The following CDK16 variants were observed in gnomAD, a reference collection of about 807,000 sequenced individuals.
CDK16 encodes cyclin dependent kinase 16, also known as cyclin-dependent kinase 16.
Under a neutral mutation model 41.6 loss-of-function variants are expected in CDK16, and 2 were observed. The observed-to-expected ratio is 0.05, with a 90% CI of 0.02 to 0.15. The LOEUF (loss-of-function observed/expected upper bound fraction) is 0.15. Among genes scored for constraint, CDK16 ranks in the 10% least tolerant of loss-of-function variants. The pLI is 1.00. For synonymous variants in CDK16, 169 were observed against 169.7 expected, an observed-to-expected ratio of 1.00 and a Z score of 0.03; for missense variants, 228 against 428.9, an observed-to-expected ratio of 0.53 and a Z score of 4.14.
In CDK16 at chrX:47,226,996, A is replaced by G; in HGVS notation, c.1138A>G (p.Thr380Ala). ...GGATAACTCCTCTTCCCTACTAGGA[A>G]CCCCAACTGAGGAGACGTGGCCAGG... ...QLHFIFRILG[T>A]PTEETWPGIL... The change falls in exon 12 of 16, where the codon ACC becomes GCC. Residue 380 changes from threonine to alanine, a missense_variant and splice_region_variant. Around this residue, in one of 3 missense-constraint regions of CDK16, gnomAD observed 91 missense variants for 129.5 expected, o/e 0.70. Coordinates refer to ENST00000357227, the MANE Select transcript of CDK16 (RefSeq NM_006201.5). The G allele has an allele frequency of 8.3e-7, 1 of 1,210,439 alleles. No homozygotes were observed. The highest frequency in any genetic ancestry group is 1.1e-6 in the Non-Finnish European group (1 of 894,520).
Position 47,226,925 on chromosome X carries a change from C to G in CDK16, c.1135+16C>G, listed in dbSNP as rs917871878. 1 of 1,201,782 alleles carries G rather than the reference C, an allele frequency of 8.3e-7. No homozygotes were observed. The highest frequency in any genetic ancestry group is 1.7e-5 in the African/African-American group (1 of 57,712). ...CGTATCTTAGGTGAGGAGGCATGGG[C>G]CCTAGGCGCTGTGGAGACACACGGG... On this transcript the variant is annotated intron_variant, in intron 11 of 15. Transcript: ENST00000357227.
At chrX:47,224,293 ATG>A in intron 2 of CDK16, 90 bp from the exon 3 acceptor site, 1 of 991,282 alleles carries the variant, frequency 1.0e-6, no homozygotes, top group East Asian at 3.1e-5. Flanking sequence ...ACGTGCACAC[ATG>A]TGTGATGATG....
At chrX:47,221,005 A>T (rs1937316180) in intron 1 of CDK16, among the ~76,000 whole-genome samples, 1 of 111,410 alleles carries the variant, frequency 9.0e-6, no homozygotes, top group South Asian at 3.8e-4. Flanking sequence ...GAGGAGGCTA[A>T]GTGTGTGCTG....
At position 47,223,730 on chromosome X, in the gene CDK16, C is replaced by G; in HGVS notation, c.173C>G (p.Ser58Cys). 8.3e-7 allele frequency: 1 copy of G among 1,208,467 alleles called. No individual in the cohort carries two copies. Among genetic ancestry groups the G allele is most frequent in the Non-Finnish European group, 1.1e-6 (1 of 893,885 alleles). The change falls in exon 2 of 16, where the codon TCT becomes TGT. Residue 58 changes from serine to cysteine, a missense_variant. Ser to Cys is a moderately radical substitution (Grantham distance 112, BLOSUM62 -1). Around this residue, in one of 3 missense-constraint regions of CDK16, gnomAD observed 71 missense variants for 102.2 expected, o/e 0.69. Coordinates refer to ENST00000357227, the MANE Select transcript of CDK16 (RefSeq NM_006201.5). ...PTRAAPGELR[S>C]ARGPLSSAPE... ...CGTGCTGCTCCTGGGGAACTTCGTT[C>G]TGCACGGGGCCCACTCAGCTCTGCA... is the stretch of plus-strand genomic sequence containing the variant.
rs1329975919 is a variant in CDK16, at chrX:47,227,092, G to A, written c.1234G>A (p.Ala412Thr). 1.7e-6 allele frequency: 2 copies of A among 1,209,747 alleles called. No individual in the cohort carries two copies. Among genetic ancestry groups the A allele is most frequent in the Non-Finnish European group, 1.1e-6 (1 of 893,554 alleles). Reference sequence around the variant, plus strand: ...CCGAGCCGAGGCCCTTTTGAGCCACGCACCCCGGTGAGGCTGGTGGGTGGG... The same window carrying A: ...CCGAGCCGAGGCCCTTTTGAGCCACACACCCCGGTGAGGCTGGTGGGTGGG... Reference protein sequence around the residue: ...KYRAEALLSHAPRLDSDGADL... With the variant: ...KYRAEALLSHTPRLDSDGADL... The change falls in exon 12 of 16, where the codon GCA becomes ACA. Residue 412 changes from alanine (A) to threonine (T), a missense_variant. Physicochemically the swap from Ala to Thr is moderately conservative, Grantham distance 58 (BLOSUM62 0). This residue lies in a region of CDK16 where 91 missense variants were observed against 129.5 expected (regional missense o/e 0.70). Transcript: ENST00000357227.
chrX:47,224,378 C>A lies in CDK16; in HGVS notation c.203-7C>A. ...CTGGCCTGCCCTACCCCTCTCCCTGCCACCAGAGATTGTGCACGAGGACTT... is the reference window on the plus strand; with the variant it reads ...CTGGCCTGCCCTACCCCTCTCCCTGACACCAGAGATTGTGCACGAGGACTT... On this transcript the variant is annotated splice_region_variant and splice_polypyrimidine_tract_variant and intron_variant, in intron 2 of 15. Coordinates refer to ENST00000357227, the MANE Select transcript of CDK16 (RefSeq NM_006201.5). 8.5e-7 allele frequency: 1 copy of A among 1,179,614 alleles called. No individual in the cohort carries two copies. Among genetic ancestry groups the A allele is most frequent in the South Asian group, 2.0e-5 (1 of 51,134 alleles).
Position 47,224,478 on chromosome X carries a change from T to C in CDK16, c.296T>C (p.Val99Ala). The C allele has an allele frequency of 1.7e-6, 2 of 1,204,939 alleles. No homozygotes were observed. The highest frequency in any genetic ancestry group is 2.2e-5 in the Admixed American group (1 of 45,642). Residue 99 changes from valine (V) to alanine (A), a missense_variant, in exon 3 of 16, where the codon GTG (valine) becomes GCG (alanine). Transcript: ENST00000357227. Reference protein sequence around the residue: ...SSDEVQSPVRVRMRNHPPRKI... With the variant: ...SSDEVQSPVRARMRNHPPRKI... The stretch of plus-strand genomic sequence containing the variant: ...GATGAGGTGCAGTCTCCAGTGAGAG[T>C]GCGTATGCGCAACCATCCCCCACGC...
rs1665960157 is a variant in CDK16, at chrX:47,218,699, C to G, written c.-413C>G. On this transcript the variant is annotated 5_prime_UTR_variant, in exon 1 of 16. Transcript: ENST00000357227. ...CTCCTTTCCACTTCACCCTTCCGAG[C>G]GCCTGCGTGCGCATGCGCGGAGCGC... 5.1e-6 allele frequency: 6 copies of G among 1,165,082 alleles called. No individual in the cohort carries two copies. Among genetic ancestry groups the G allele is most frequent in the Non-Finnish European group, 6.9e-6 (6 of 872,130 alleles).
Position 47,225,825 on chromosome X carries a change from A to G in CDK16, c.688A>G (p.Ile230Val), listed in dbSNP as rs1411508752. The change falls in exon 7 of 16, where the codon ATC (isoleucine) becomes GTC (valine). Residue 230 changes from isoleucine (I) to valine (V), a missense_variant. By Grantham distance (29) the Ile-to-Val change is conservative. Coordinates refer to ENST00000357227, the MANE Select transcript of CDK16 (RefSeq NM_006201.5). ...HANIVTLHDI[I>V]HTEKSLTLVF... ...CAACATCGTTACGCTACATGACATTATCCACACGGAGAAGTCCCTCACCCT... is the reference window on the plus strand; with the variant it reads ...CAACATCGTTACGCTACATGACATTGTCCACACGGAGAAGTCCCTCACCCT... 6.6e-6 allele frequency: 8 copies of G among 1,209,072 alleles called. No individual in the cohort carries two copies. The highest frequency in any genetic ancestry group is 8.9e-6 in the Non-Finnish European group (8 of 894,350).
intron 1 of CDK16, chrX:47,223,214 G>A (rs1170809482): frequency 1.2e-5 from 14 of 1,155,000 alleles, no homozygotes; most frequent in South Asian, 1.9e-5. Context: ...ATCTGCAATG[G>A]AGCCTTCTGC....
At position 47,223,705 on chromosome X, in the gene CDK16, C is replaced by T. The variant is rs1483963754; in HGVS notation, c.148C>T (p.Arg50Cys). 3 of 1,210,272 alleles carry T rather than the reference C, an allele frequency of 2.5e-6. No homozygotes were observed. Among genetic ancestry groups the T allele is most frequent in the Middle Eastern group, 2.3e-4 (1 of 4,342 alleles). The change falls in exon 2 of 16, where the codon CGT (arginine) becomes TGT (cysteine). Residue 50 changes from arginine to cysteine, a missense_variant. By Grantham distance (180) the Arg-to-Cys change is radical. Around this residue, in one of 3 missense-constraint regions of CDK16, gnomAD observed 71 missense variants for 102.2 expected, o/e 0.69. Transcript: ENST00000357227. ...CAGTGACCCTGGAGAGGCCCCCACACGTGCTGCTCCTGGGGAACTTCGTTC... is the reference window on the plus strand; with the variant it reads ...CAGTGACCCTGGAGAGGCCCCCACATGTGCTGCTCCTGGGGAACTTCGTTC... ...GGSDPGEAPTRAAPGELRSAR... is the reference protein window; with the variant it reads ...GGSDPGEAPTCAAPGELRSAR...
rs947236170 is a variant in CDK16, at chrX:47,226,013, A to G, written c.778A>G (p.Met260Val). Residue 260 changes from methionine to valine, a missense_variant, in exon 8 of 16, where the codon ATG (methionine) becomes GTG (valine). By Grantham distance (21) the Met-to-Val change is conservative (BLOSUM62 1). Around this residue, in one of 3 missense-constraint regions of CDK16, gnomAD observed 66 missense variants for 197.2 expected, o/e 0.33. Coordinates refer to ENST00000357227, the MANE Select transcript of CDK16 (RefSeq NM_006201.5). ...GGATGACTGTGGGAACATCATCAAC[A>G]TGCACAACGTGAAAGTGGGTGTGGG... Reference protein sequence around the residue: ...YLDDCGNIINMHNVKLFLFQL... With the variant: ...YLDDCGNIINVHNVKLFLFQL... 1.7e-6 allele frequency: 2 copies of G among 1,199,051 alleles called. No homozygotes were observed. Among genetic ancestry groups the G allele is most frequent in the Admixed American group, 4.5e-5 (2 of 44,493 alleles).
At position 47,225,893 on chromosome X, in the gene CDK16, G is replaced by C. The variant is rs1311134271; in HGVS notation, c.729+27G>C. 2.5e-6 allele frequency: 3 copies of C among 1,194,481 alleles called. No homozygotes were observed. In the South Asian group the frequency reaches 5.3e-5, roughly 21 times the overall value. ...TAAGGTTGAGTGGCAGTAGGTCCCA[G>C]GGGGAGGTGAGGAGAAGGCCAGGAG... On this transcript the variant is annotated intron_variant, in intron 7 of 15. Transcript: ENST00000357227.
Position 47,229,569 on chromosome X carries a change from G to C in CDK16, c.*801G>C, listed in dbSNP as rs1326475713. ...AGAGACTCTGGGAAATGGACAAGGT[G>C]GGGGGCCCCACTCTTTCTCTCCTGC... On this transcript the variant is annotated 3_prime_UTR_variant, in exon 16 of 16. Transcript: ENST00000357227. The C allele has an allele frequency of 9.2e-6, 2 of 217,354 alleles. No individual in the cohort carries two copies. The highest frequency in any genetic ancestry group is 1.7e-5 in the Non-Finnish European group (2 of 116,105). 17.9% of individuals were successfully genotyped at this position (217,354 alleles called of 1,213,427 possible).
intron 1 of CDK16, 27 bp downstream of exon 1, chrX:47,219,132 C>CT (rs1401663577): frequency 1.0e-5 from 8 of 799,250 alleles, no homozygotes; most frequent in Non-Finnish European, 1.2e-5. Context: ...GGCGTGGAGG[C>CT]TGCCCCTCCT....
chrX:47,221,799 C>T (rs1937346159), intron 1 of CDK16, among the ~76,000 whole-genome samples: 1 of 112,115 alleles, frequency 8.9e-6, no homozygotes, highest in Non-Finnish European at 1.9e-5. Context: ...AGGGTGGCCC[C>T]TACCCCTCCT....
At position 47,224,903 on chromosome X, in the gene CDK16, TAGG is replaced by T. The variant is rs1340537492; in HGVS notation, c.519+17_519+19del. 5 of 1,209,385 alleles carry T rather than the reference TAGG, an allele frequency of 4.1e-6. No homozygotes were observed. In the Admixed American group the frequency reaches 6.5e-5, roughly 16 times the overall value. On this transcript the variant is annotated intron_variant, in intron 5 of 15. Transcript: ENST00000357227. ...CAAACTGGGCGAGGTGAGAGGCAAATAGGAGGCCCATGGTGGGGATGAAGGTCA... is the reference window on the plus strand; with the variant it reads ...CAAACTGGGCGAGGTGAGAGGCAAATAGGCCCATGGTGGGGATGAAGGTCA...
chrX:47,220,741 G>A (rs1020125181), intron 1 of CDK16, among the ~76,000 whole-genome samples: 1 of 111,006 alleles, frequency 9.0e-6, no homozygotes, highest in Non-Finnish European at 1.9e-5. Flanking sequence ...CTGTGAAGGG[G>A]CCTGAGTGTG....
chrX:47,224,923 T>A (rs751174580), intron 5 of CDK16, 33 bp downstream of exon 5: 26 of 1,200,275 alleles, frequency 2.2e-5, no homozygotes, highest in Non-Finnish European at 2.9e-5. Flanking sequence ...ATGGTGGGGA[T>A]GAAGGTCAGT....
Sources: allele counts gnomAD v4.1 joint callset (sites outside exome capture counted in the v4.1 genomes callset), GRCh38; gene constraint gnomAD v4.1.1; regional missense constraint gnomAD v4.1.1; transcripts MANE v1.5; gene names NCBI Gene and HGNC (gene_info 2026-07-23, HGNC 2026-07-21).